SHISAL1: variants seen among roughly 807,000 people sequenced by gnomAD.
SHISAL1 encodes the protein protein shisa-like-1.
SHISAL1 carries 9 observed loss-of-function variants against 22.6 expected under a neutral mutation model. The observed-to-expected ratio is 0.40, with a 90% CI of 0.24 to 0.70. The LOEUF is 0.70. SHISAL1 is among the 30% of genes least tolerant of loss of function. SHISAL1 has a pLI of 0.39. For missense variants in SHISAL1, 246 were observed against 270.6 expected, an observed-to-expected ratio of 0.91 and a Z score of 0.64; for synonymous variants, 119 against 115.4, an observed-to-expected ratio of 1.03 and a Z score of -0.20.
At chr22:44,306,999 G>C (rs2055484018) in intron 1 of SHISAL1, among the ~76,000 whole-genome samples, 1 of 152,176 alleles carries the variant, frequency 6.6e-6, no homozygotes, top group African/African-American at 2.4e-5. Context: ...GATGGCGTGT[G>C]TGGAGGGGAC....
At chr22:44,292,193 G>A (rs990353832) in intron 3 of SHISAL1, among the ~76,000 whole-genome samples, 22 of 152,260 alleles carry the variant, frequency 1.4e-4, no homozygotes, top group Admixed American at 9.1e-4. Flanking sequence ...GTGGCGGGGC[G>A]GGGGTCGGGG....
chr22:44,296,555 G>T, intron 3 of SHISAL1, 117 bp downstream of exon 3: 1 of 816,544 alleles, frequency 1.2e-6, no homozygotes, highest in Non-Finnish European at 2.0e-6. Context: ...CTCCTTCCAG[G>T]CCCACCCAAC....
intron 4 of SHISAL1, among the ~76,000 whole-genome samples, chr22:44,280,331 T>C (rs766615557): frequency 2.0e-5 from 3 of 151,978 alleles, no homozygotes; most frequent in Admixed American, 6.6e-5. Context: ...AGACCCTGGC[T>C]CAAAACCATG....
At chr22:44,261,705 C>T (rs981181170) in intron 4 of SHISAL1, among the ~76,000 whole-genome samples, 43 of 152,262 alleles carry the variant, frequency 2.8e-4, no homozygotes, top group African/African-American at 9.9e-4. Context: ...CAAATGTCAA[C>T]TCTTGTTCTG....
chr22:44,277,211 C>A (rs551055094), intron 4 of SHISAL1, among the ~76,000 whole-genome samples: 1 of 152,276 alleles, frequency 6.6e-6, no homozygotes, highest in Non-Finnish European at 1.5e-5. Flanking sequence ...GGACGCGATG[C>A]CGGGAGAGGG....
intron 4 of SHISAL1, among the ~76,000 whole-genome samples, chr22:44,265,530 A>AC (rs1256117146): frequency 1.3e-5 from 2 of 151,888 alleles, no homozygotes; most frequent in Admixed American, 6.6e-5. Context: ...CTCCTGAGAG[A>AC]CCCCCAAGCC....
chr22:44,248,105 A>AACTGAGTTCCTGGC lies in SHISAL1; in HGVS notation c.*1566_*1579dup, dbSNP rs540650759. Reference sequence around the variant, plus strand: ...AAGGGTCTCACTCACGTGTCCCTCGAACTGAGTTCCTGGCACTGAGTTCCC... The same window carrying AACTGAGTTCCTGGC: ...AAGGGTCTCACTCACGTGTCCCTCGAACTGAGTTCCTGGCACTGAGTTCCTGGCACTGAGTTCCC... On this transcript the variant is annotated 3_prime_UTR_variant, in exon 5 of 5. Coordinates refer to ENST00000381176, the MANE Select transcript of SHISAL1 (RefSeq NM_001099294.2). 6.6e-6 allele frequency: 1 copy of AACTGAGTTCCTGGC among 152,092 alleles called. No homozygotes were observed. Among genetic ancestry groups the AACTGAGTTCCTGGC allele is most frequent in the East Asian group, 1.9e-4 (1 of 5,162 alleles). The allele number at this position is 152,092 out of a possible 1,614,324, so 9.4% of individuals were successfully genotyped here. A position where few individuals can be genotyped will look rare whatever the true frequency, so the allele number is the denominator to read the frequency against.
the SHISAL1 span, among the ~76,000 whole-genome samples, chr22:44,319,024 C>T: frequency 9.9e-5 from 15 of 152,246 alleles, no homozygotes; most frequent in Non-Finnish European, 1.9e-4. Context: ...CAAAGGGTCC[C>T]GTTGTACCAT....
chr22:44,266,253 C>T (rs1189285266), intron 4 of SHISAL1, among the ~76,000 whole-genome samples: 4 of 152,074 alleles, frequency 2.6e-5, no homozygotes, highest in Non-Finnish European at 4.4e-5. Context: ...CCTATTGAGT[C>T]GGGAGAAAAC....
intron 4 of SHISAL1, among the ~76,000 whole-genome samples, chr22:44,255,603 T>A (rs1451622572): frequency 6.6e-6 from 1 of 152,242 alleles, no homozygotes; most frequent in Non-Finnish European, 1.5e-5. Context: ...GCTGGCAGGA[T>A]TCTTGCAGTG....
intron 1 of SHISAL1, among the ~76,000 whole-genome samples, chr22:44,302,131 A>G (rs980754224): frequency 5.9e-5 from 9 of 152,180 alleles, no homozygotes; most frequent in Non-Finnish European, 1.0e-4. Context: ...ACCTGAGGTC[A>G]GGAGTTCGAG....
At chr22:44,331,418 G>A in the SHISAL1 span, among the ~76,000 whole-genome samples, 1 of 145,190 alleles carries the variant, frequency 6.9e-6, no homozygotes, top group Non-Finnish European at 1.5e-5. The surrounding 1 kb of genome is among the most constrained non-coding windows in gnomAD (Gnocchi z 5.2). Context: ...CCCTTTCCCC[G>A]CCGCTCTCGG....
At chr22:44,267,935 C>A (rs1221393824) in intron 4 of SHISAL1, among the ~76,000 whole-genome samples, 2 of 152,246 alleles carry the variant, frequency 1.3e-5, no homozygotes, top group Non-Finnish European at 2.9e-5. Context: ...CCTGCAGGCC[C>A]TCTGGGAGTC....
At chr22:44,302,393 GT>G in intron 1 of SHISAL1, among the ~76,000 whole-genome samples, 1 of 149,756 alleles carries the variant, frequency 6.7e-6, no homozygotes, top group Admixed American at 6.7e-5. Context: ...TAAGTTCTCT[GT>G]AATGTATATT....
the SHISAL1 span, among the ~76,000 whole-genome samples, chr22:44,324,667 A>T: frequency 6.6e-6 from 1 of 152,240 alleles, no homozygotes; most frequent in South Asian, 2.1e-4. Context: ...CCAAGGTCAC[A>T]AAGTGAGGAG....
chr22:44,266,190 GAC>G (rs1421110580), intron 4 of SHISAL1, among the ~76,000 whole-genome samples: 1 of 152,200 alleles, frequency 6.6e-6, no homozygotes, highest in Non-Finnish European at 1.5e-5. Context: ...GAGGACATGA[GAC>G]AGTACATGTA....
chr22:44,303,783 G>A (rs1601804230), intron 1 of SHISAL1, among the ~76,000 whole-genome samples: 1 of 152,180 alleles, frequency 6.6e-6, no homozygotes, highest in East Asian at 1.9e-4. Context: ...TCTGATGTGA[G>A]GATGGTGGGG....
chr22:44,266,379 G>A (rs2055161179), intron 4 of SHISAL1, among the ~76,000 whole-genome samples: 1 of 149,854 alleles, frequency 6.7e-6, no homozygotes, highest in Non-Finnish European at 1.5e-5. Context: ...GCAGTGGGGT[G>A]TGTTTGTGTG....
chr22:44,327,240 G>GTGCACACACA, the SHISAL1 span, among the ~76,000 whole-genome samples: 4 of 145,016 alleles, frequency 2.8e-5, no homozygotes, highest in South Asian at 2.2e-4. Context: ...TGGGGGGCGC[G>GTGCACACACA]CACACACACA....
Sources: gnomAD v4.1 joint callset for allele counts (sites outside exome capture counted in the v4.1 genomes callset) on GRCh38, gnomAD v4.1.1 for gene constraint, Gnocchi (gnomAD v3.1) non-coding constraint, MANE v1.5 for transcripts, NCBI Gene and HGNC (gene_info 2026-07-23, HGNC 2026-07-21) for gene names.